STPG2: variants seen among roughly 807,000 people sequenced by gnomAD.
The protein encoded by STPG2 is sperm tail PG-rich repeat containing 2.
STPG2 carries 56 observed loss-of-function variants against 54.2 expected under a neutral mutation model. The ratio of observed to expected loss-of-function variants is 1.03; its 90% confidence interval spans 0.83 to 1.29. The LOEUF is 1.29. STPG2 is among the 50% of genes most tolerant of loss of function. The pLI is 0.00. For missense variants in STPG2, 596 were observed against 544.9 expected (o/e 1.09, Z -0.93); for synonymous variants, 200 against 181.8 (o/e 1.10, Z -0.81).
intron 10 of STPG2, among the ~76,000 whole-genome samples, chr4:97,626,006 A>G (rs976829479): frequency 3.3e-5 from 5 of 152,230 alleles, no homozygotes; most frequent in African/African-American, 9.6e-5. Context: ...CAAATTATCC[A>G]TAACTGCTGT....
At chr4:98,030,287 C>T (rs1736554318) in intron 5 of STPG2, among the ~76,000 whole-genome samples, 1 of 152,114 alleles carries the variant, frequency 6.6e-6, no homozygotes. Flanking sequence ...CTGGCTTCTG[C>T]ACAGCTCACA....
At chr4:98,126,503 C>T (rs1462836228) in intron 3 of STPG2, among the ~76,000 whole-genome samples, 1 of 152,306 alleles carries the variant, frequency 6.6e-6, no homozygotes, top group African/African-American at 2.4e-5. Context: ...AGGGAGCTCC[C>T]CTTGCCCCAT....
At chr4:98,046,984 C>G (rs1196685634) in intron 5 of STPG2, among the ~76,000 whole-genome samples, 1 of 152,030 alleles carries the variant, frequency 6.6e-6, no homozygotes, top group Non-Finnish European at 1.5e-5. Context: ...ATTAAAGGCC[C>G]GACCCACAGG....
intron 10 of STPG2, among the ~76,000 whole-genome samples, chr4:97,638,586 A>G (rs1041235759): frequency 6.7e-6 from 1 of 149,518 alleles, no homozygotes; most frequent in Non-Finnish European, 1.5e-5. Context: ...AATTTTTGCA[A>G]CCTACTCATC....
At chr4:97,587,705 T>C (rs1508458) in intron 10 of STPG2, among the ~76,000 whole-genome samples, 20,770 of 151,910 alleles carry the variant, frequency 0.14, 4,144 homozygotes, top group African/African-American at 0.44. Context: ...CTGTTTCATA[T>C]TTCTCACATC....
intron 4 of STPG2, among the ~76,000 whole-genome samples, chr4:97,496,409 A>C (rs1730612460): frequency 6.6e-6 from 1 of 151,688 alleles, no homozygotes; most frequent in African/African-American, 2.4e-5. Flanking sequence ...CTGAACTCAA[A>C]ATTACACAGC....
At chr4:97,912,957 C>G (rs1433410787) in intron 8 of STPG2, among the ~76,000 whole-genome samples, 1 of 152,132 alleles carries the variant, frequency 6.6e-6, no homozygotes, top group Non-Finnish European at 1.5e-5. Flanking sequence ...AAAGAGATAC[C>G]TTTATGATAA....
At chr4:97,777,944 T>C (rs1323339208) in intron 9 of STPG2, among the ~76,000 whole-genome samples, 2 of 152,182 alleles carry the variant, frequency 1.3e-5, no homozygotes, top group Non-Finnish European at 2.9e-5. Context: ...GGTTCCAAGA[T>C]GGCCGAATAG....
intron 5 of STPG2, among the ~76,000 whole-genome samples, chr4:98,003,875 T>C (rs947704813): frequency 6.6e-6 from 1 of 152,124 alleles, no homozygotes; most frequent in African/African-American, 2.4e-5. Context: ...TGAAGTATAA[T>C]AGACAAATTT....
At chr4:98,046,064 T>TC (rs398107705) in intron 5 of STPG2, among the ~76,000 whole-genome samples, 1 of 151,112 alleles carries the variant, frequency 6.6e-6, no homozygotes, top group African/African-American at 2.4e-5. Flanking sequence ...TTTTTTTTTT[T>TC]GGCTCCTTTG....
chr4:97,932,766 T>C (rs764484546), intron 8 of STPG2, among the ~76,000 whole-genome samples: 9 of 152,232 alleles, frequency 5.9e-5, no homozygotes, highest in Admixed American at 1.3e-4. Flanking sequence ...CAGTCCATCA[T>C]TGATGGTTAT....
At chr4:97,627,934 G>A (rs2148930038) in intron 10 of STPG2, among the ~76,000 whole-genome samples, 1 of 152,202 alleles carries the variant, frequency 6.6e-6, no homozygotes, top group South Asian at 2.1e-4. Context: ...GGCAGACAGT[G>A]AATTCCCTAT....
At chr4:97,770,627 A>G (rs1726188788) in intron 9 of STPG2, among the ~76,000 whole-genome samples, 1 of 152,196 alleles carries the variant, frequency 6.6e-6, no homozygotes, top group South Asian at 2.1e-4. Flanking sequence ...GCTTGCAGAA[A>G]TCCAGCTAAG....
At chr4:97,845,586 C>A (rs1419859364) in intron 8 of STPG2, among the ~76,000 whole-genome samples, 1 of 152,074 alleles carries the variant, frequency 6.6e-6, no homozygotes, top group Non-Finnish European at 1.5e-5. Context: ...TATTGACCGA[C>A]CATGACTATT....
At chr4:97,655,367 A>G (rs901657499) in intron 10 of STPG2, among the ~76,000 whole-genome samples, 4 of 152,112 alleles carry the variant, frequency 2.6e-5, no homozygotes, top group African/African-American at 9.6e-5. Flanking sequence ...GTTTTACTAA[A>G]TAAAGCTCTC....
At position 98,063,137 on chromosome 4, in the gene STPG2, T is replaced by C. The variant is rs114924291; in HGVS notation, c.612+42816A>G. Among the ~76,000 whole-genome samples, 495 of 152,218 alleles carry C rather than the reference T, an allele frequency of 3.3e-3. 4 individuals are homozygous for C. Among genetic ancestry groups the C allele is most frequent in the African/African-American group, 0.011 (475 of 41,534 alleles). ...CCTCTTTGAAAATGAAAAAGTCTTA[T>C]ATATACCTATTGTTTAAAAAAAATC... On this transcript the variant is annotated intron_variant, in intron 5 of 10. Transcript: ENST00000295268.
intron 9 of STPG2, among the ~76,000 whole-genome samples, chr4:97,779,658 A>G (rs996242503): frequency 1.3e-5 from 2 of 152,218 alleles, no homozygotes; most frequent in Non-Finnish European, 2.9e-5. Flanking sequence ...AATGAAAGAA[A>G]AAATATTAAG....
chr4:97,891,212 ATTAC>A (rs1313661866), intron 8 of STPG2, among the ~76,000 whole-genome samples: 7 of 152,130 alleles, frequency 4.6e-5, no homozygotes, highest in African/African-American at 7.2e-5. Flanking sequence ...CAAAAAAGTT[ATTAC>A]TTAATCTCAC....
chr4:97,475,646 T>G lies in STPG2; in HGVS notation c.462+237053A>C, dbSNP rs112347785. On this transcript the variant is annotated intron_variant, in intron 4 of 4. Transcript: ENST00000522676. ...TCTTTTCAATATTCCATAAAATTCA[T>G]CTTCTGTCATACTATCACCCTTGTT... 2.0e-5 allele frequency among the ~76,000 whole-genome samples: 3 copies of G among 152,240 alleles called. No individual in the cohort carries two copies. The East Asian group carries it at 5.8e-4, about 29-fold the overall frequency.
Sources: gnomAD v4.1 joint callset for allele counts (sites outside exome capture counted in the v4.1 genomes callset) on GRCh38, gnomAD v4.1.1 for gene constraint, MANE v1.5 for transcripts, NCBI Gene and HGNC (gene_info 2026-07-23, HGNC 2026-07-21) for gene names.